Variants in DLGAP2 observed in about 807,000 individuals in gnomAD.
The protein encoded by DLGAP2 is DLG associated protein 2, also known as disks large-associated protein 2.
Under a neutral mutation model 100.3 loss-of-function variants are expected in DLGAP2, and 26 were observed. That is an observed-to-expected ratio of 0.26 (90% CI 0.19 to 0.36). The LOEUF (loss-of-function observed/expected upper bound fraction) is 0.36, where lower values mean the gene tolerates loss of function less well. Ranked by LOEUF, DLGAP2 falls within the 10% of genes least tolerant of loss-of-function variation. The pLI is 1.00. For missense variants in DLGAP2, 1,858 were observed against 1,453.2 expected (o/e 1.28, Z -4.53); for synonymous variants, 886 against 630.1 (o/e 1.41, Z -6.08).
intron 6 of DLGAP2, among the ~76,000 whole-genome samples, chr8:1,588,038 T>G (rs946781185): frequency 1.3e-5 from 2 of 152,220 alleles, no homozygotes; most frequent in Non-Finnish European, 2.9e-5. Flanking sequence ...TGACTCCTAA[T>G]AGAGTTCTGG....
rs922382394 is a variant in DLGAP2 at position 1,705,560 on chromosome 8, G to C, written c.*4154G>C. 1 of 152,252 alleles carries C rather than the reference G, an allele frequency of 6.6e-6. No individual in the cohort carries two copies. Among genetic ancestry groups the C allele is most frequent in the Non-Finnish European group, 1.5e-5 (1 of 68,080 alleles). The allele number at this position is 152,252 out of a possible 1,614,324, so 9.4% of individuals were successfully genotyped here. A position where few individuals can be genotyped will look rare whatever the true frequency, so the allele number is the denominator to read the frequency against. On this transcript the variant is annotated 3_prime_UTR_variant, in exon 15 of 15. Transcript: ENST00000637795. Reference sequence around the variant, plus strand: ...GTCCAAAACAGCGCTGGTTCGGGGAGGGCCCCTGGATACTGCCTTTGGCCC... The same window carrying C: ...GTCCAAAACAGCGCTGGTTCGGGGACGGCCCCTGGATACTGCCTTTGGCCC...
intron 2 of DLGAP2, among the ~76,000 whole-genome samples, chr8:932,070 T>G (rs1378094876): frequency 3.3e-5 from 5 of 152,228 alleles, no homozygotes; most frequent in Non-Finnish European, 5.9e-5. Context: ...CACAAACATG[T>G]ACTGTAAGAC....
At chr8:1,408,335 C>G (rs1246737648) in intron 3 of DLGAP2, among the ~76,000 whole-genome samples, 2 of 152,250 alleles carry the variant, frequency 1.3e-5, no homozygotes, top group African/African-American at 4.8e-5. Flanking sequence ...GTTTCCCCTT[C>G]CCTCGGGGAG....
chr8:1,321,627 T>C (rs922386271), intron 3 of DLGAP2, among the ~76,000 whole-genome samples: 24 of 152,250 alleles, frequency 1.6e-4, no homozygotes, highest in Non-Finnish European at 1.0e-4. Context: ...TTTTTTCATT[T>C]TCACCTTTAG....
At chr8:1,497,319 C>T (rs1024947819) in intron 3 of DLGAP2, among the ~76,000 whole-genome samples, 1 of 152,182 alleles carries the variant, frequency 6.6e-6, no homozygotes, top group Admixed American at 6.5e-5. Flanking sequence ...TAGCGTCCAG[C>T]CTCTCCCTGG....
intron 2 of DLGAP2, among the ~76,000 whole-genome samples, chr8:1,070,522 C>T (rs6559210): frequency 0.59 from 88,997 of 151,978 alleles, 26,149 homozygotes; most frequent in African/African-American, 0.62. Context: ...TCCTTAGGCT[C>T]TGAAATATCT....
chr8:1,597,353 T>C (rs1162304959), intron 6 of DLGAP2, among the ~76,000 whole-genome samples: 1 of 149,648 alleles, frequency 6.7e-6, no homozygotes, highest in Non-Finnish European at 1.5e-5. Context: ...TGGACTCTTT[T>C]TTGATTCCAT....
chr8:1,267,530 G>C (rs1392550429), intron 3 of DLGAP2, among the ~76,000 whole-genome samples: 1 of 147,704 alleles, frequency 6.8e-6, no homozygotes, highest in Non-Finnish European at 1.5e-5. Context: ...CTGCACTCCA[G>C]CCTGGGAGAC....
chr8:1,698,953 G>C (rs1001996282), intron 14 of DLGAP2, among the ~76,000 whole-genome samples: 2 of 152,148 alleles, frequency 1.3e-5, no homozygotes, highest in African/African-American at 2.4e-5. Context: ...CCATGCATGG[G>C]ACAGGTCCAT....
At position 1,380,020 on chromosome 8, in the gene DLGAP2, A is replaced by G. The variant is rs138261547; in HGVS notation, c.106+121137A>G. Among the ~76,000 whole-genome samples the G allele has an allele frequency of 5.5e-4, 84 of 151,998 alleles. 3 individuals are homozygous for G. The highest frequency in any genetic ancestry group is 1.8e-3 in the African/African-American group (76 of 41,456). The stretch of plus-strand genomic sequence containing the variant: ...CTTCTGAGCCCGGCTCCATCCCAGC[A>G]TCTGCACCCTGGTCAGGAGATGCCT... On this transcript the variant is annotated intron_variant, in intron 3 of 14. Transcript: ENST00000637795.
chr8:908,495 G>C (rs373368857), intron 2 of DLGAP2, among the ~76,000 whole-genome samples: 124 of 152,252 alleles, frequency 8.1e-4, no homozygotes, highest in African/African-American at 2.9e-3. Context: ...AATTTCTCAT[G>C]GCAGGATGGG....
intron 6 of DLGAP2, among the ~76,000 whole-genome samples, chr8:1,601,945 G>GATGT (rs1554506576): frequency 0.035 from 5,071 of 146,418 alleles, 119 homozygotes; most frequent in Non-Finnish European, 0.05. Context: ...AATTTAACAG[G>GATGT]GTGTGTGTGT....
intron 2 of DLGAP2, among the ~76,000 whole-genome samples, chr8:1,154,215 A>G (rs1796741546): frequency 6.6e-6 from 1 of 152,184 alleles, no homozygotes; most frequent in Admixed American, 6.5e-5. Context: ...GGCGTCGTCC[A>G]AGCAAAAGGG....
At chr8:1,468,336 G>A (rs1326732174) in intron 3 of DLGAP2, among the ~76,000 whole-genome samples, 1 of 151,554 alleles carries the variant, frequency 6.6e-6, no homozygotes, top group Non-Finnish European at 1.5e-5. Context: ...TTCACACGGC[G>A]TGGATCTGGG....
chr8:1,342,778 C>G (rs567999745), intron 3 of DLGAP2, among the ~76,000 whole-genome samples: 7 of 152,212 alleles, frequency 4.6e-5, no homozygotes, highest in African/African-American at 1.7e-4. Flanking sequence ...GTTGAAGTGC[C>G]GGAAAGACTC....
At chr8:1,603,707 G>T (rs1161801937) in intron 6 of DLGAP2, among the ~76,000 whole-genome samples, 1 of 152,148 alleles carries the variant, frequency 6.6e-6, no homozygotes, top group Non-Finnish European at 1.5e-5. Context: ...ACTGTGATGG[G>T]CTCAGCATCC....
chr8:750,205 C>T (rs1262700927), intron 1 of DLGAP2, among the ~76,000 whole-genome samples: 4 of 152,228 alleles, frequency 2.6e-5, no homozygotes, highest in Non-Finnish European at 5.9e-5. Context: ...GTTGCCAGAG[C>T]TCTCTCTAGA....
intron 3 of DLGAP2, among the ~76,000 whole-genome samples, chr8:1,429,437 A>G (rs1455450019): frequency 3.9e-5 from 6 of 152,128 alleles, no homozygotes; most frequent in Non-Finnish European, 8.8e-5. Context: ...TGTCTTGTTC[A>G]TTGCTGTGGC....
chr8:985,637 T>G (rs1357132484), intron 2 of DLGAP2, among the ~76,000 whole-genome samples: 1 of 152,240 alleles, frequency 6.6e-6, no homozygotes, highest in Non-Finnish European at 1.5e-5. Context: ...GAAATTCTAG[T>G]AAGTACAATC....
Sources: gnomAD v4.1 joint callset for allele counts (sites outside exome capture counted in the v4.1 genomes callset) on GRCh38, gnomAD v4.1.1 for gene constraint, MANE v1.5 for transcripts, NCBI Gene and HGNC (gene_info 2026-07-23, HGNC 2026-07-21) for gene names.